Variants in TNNT1 observed in about 807,000 individuals in gnomAD.
TNNT1 encodes the protein troponin T1, slow skeletal type, also known as troponin T, slow skeletal muscle.
In TNNT1, 53 loss-of-function variants were observed where a neutral mutation model predicts 50.6. That is an observed-to-expected ratio of 1.05 (90% CI 0.84 to 1.32). The LOEUF is 1.32. Among genes scored for constraint, TNNT1 ranks in the 40% most tolerant of loss-of-function variants. The pLI, the probability that TNNT1 is intolerant of heterozygous loss-of-function variation, is 0.00. For missense variants in TNNT1, 348 were observed against 381.7 expected, an observed-to-expected ratio of 0.91 and a Z score of 0.74; for synonymous variants, 142 against 138.0, an observed-to-expected ratio of 1.03 and a Z score of -0.20.
In TNNT1 at chr19:55,147,309, T is replaced by C. The variant is rs112170730; in HGVS notation, c.-11-141A>G. ...GGGTGTGAGAGAGGAGGAGCTGGGGTCTGGACTCCTGGGTGTGAGAGAGGA... is the reference window on the plus strand; with the variant it reads ...GGGTGTGAGAGAGGAGGAGCTGGGGCCTGGACTCCTGGGTGTGAGAGAGGA... On this transcript the variant is annotated intron_variant, in intron 1 of 13. Coordinates refer to ENST00000588981, the MANE Select transcript of TNNT1 (RefSeq NM_003283.6). 393 of 694,832 alleles carry C rather than the reference T, an allele frequency of 5.7e-4. 2 individuals carry two copies. The highest frequency in any genetic ancestry group is 5.6e-3 in the African/African-American group (199 of 35,240). The allele number at this position is 694,832 out of a possible 1,614,324, so 43.0% of individuals were successfully genotyped here.
At chr19:55,146,581 G>T in intron 4 of TNNT1, 100 bp downstream of exon 4, 1 of 1,223,464 alleles carries the variant, frequency 8.2e-7, no homozygotes, top group Non-Finnish European at 1.1e-6. Flanking sequence ...AGGACCGGGA[G>T]CCGAGGCCGT....
At position 55,145,566 on chromosome 19, in the gene TNNT1, C is replaced by T. The variant is rs1029498227; in HGVS notation, c.107-1G>A. ...CACCTTGGTTTGGGGCGTTCCTCTT[C>T]TGTTGGTGGTGGGGGATAAAAAGAG... On this transcript the variant is annotated splice_acceptor_variant, in intron 5 of 13. Coordinates refer to ENST00000588981, the MANE Select transcript of TNNT1 (RefSeq NM_003283.6). LOFTEE classifies it high-confidence loss of function. 1 of 1,613,572 alleles carries T rather than the reference C, an allele frequency of 6.2e-7. No homozygotes were observed. Among genetic ancestry groups the T allele is most frequent in the Non-Finnish European group, 8.5e-7 (1 of 1,179,762 alleles).
intron 7 of TNNT1, among the ~76,000 whole-genome samples, chr19:55,141,600 C>T (rs964275096): frequency 6.6e-6 from 1 of 151,822 alleles, no homozygotes; most frequent in Non-Finnish European, 1.5e-5. Context: ...TTTCCTGCCT[C>T]AGCCTCCCGA....
In TNNT1 at chr19:55,146,421, C is replaced by A. The variant is rs1388691686; in HGVS notation, c.106+13G>T. ...CCGACATCGGTCTCGGGAAGCGAAG[C>A]AGCCGCGGTTACCTGGCTCTGCCAC... On this transcript the variant is annotated intron_variant, in intron 5 of 13. Coordinates refer to ENST00000588981, the MANE Select transcript of TNNT1 (RefSeq NM_003283.6). 1.5e-6 allele frequency: 2 copies of A among 1,368,354 alleles called. No homozygotes were observed. The highest frequency in any genetic ancestry group is 1.8e-5 in the South Asian group (1 of 57,072). 84.8% of individuals were successfully genotyped at this position (1,368,354 alleles called of 1,614,324 possible). A position where few individuals can be genotyped will look rare whatever the true frequency, so the allele number is the denominator to read the frequency against.
At chr19:55,138,214 C>G in intron 9 of TNNT1, 140 bp from the exon 10 acceptor site, 1 of 1,457,166 alleles carries the variant, frequency 6.9e-7, no homozygotes, top group South Asian at 1.2e-5. Flanking sequence ...AGCAGAAACG[C>G]AGGGGTACCC....
At chr19:55,138,960 G>C (rs976344676) in intron 9 of TNNT1, among the ~76,000 whole-genome samples, 1 of 152,184 alleles carries the variant, frequency 6.6e-6, no homozygotes, top group Non-Finnish European at 1.5e-5. Context: ...GTGGACATGA[G>C]GCTTTTTGTA....
At chr19:55,134,318 G>T in intron 11 of TNNT1, 114 bp from the exon 12 acceptor site, 2 of 1,093,084 alleles carry the variant, frequency 1.8e-6, no homozygotes, top group Non-Finnish European at 2.6e-6. Context: ...TCATATTTGA[G>T]GCCGAGAGTT....
chr19:55,147,711 GC>G (rs1324463866), intron 1 of TNNT1, among the ~76,000 whole-genome samples: 48 of 112,368 alleles, frequency 4.3e-4, no homozygotes, highest in South Asian at 6.0e-4. Context: ...GGGAGGAGGG[GC>G]CAGGGGCCTG....
chr19:55,134,230 T>C (rs2085302434), intron 11 of TNNT1, 26 bp from the exon 12 acceptor site: 1 of 1,553,268 alleles, frequency 6.4e-7, no homozygotes, highest in African/African-American at 1.4e-5. Context: ...GAGAGGAACT[T>C]GGGCCCAGAG....
In TNNT1 at chr19:55,146,458, C is replaced by A; in HGVS notation, c.82G>T (p.Glu28Ter). The A allele has an allele frequency of 7.9e-7, 1 of 1,268,784 alleles. No individual in the cohort carries two copies. Among genetic ancestry groups the A allele is most frequent in the Non-Finnish European group, 1.0e-6 (1 of 995,428 alleles). 78.6% of individuals were successfully genotyped at this position (1,268,784 alleles called of 1,614,324 possible). A position where few individuals can be genotyped will look rare whatever the true frequency, so the allele number is the denominator to read the frequency against. ...AAEEEEEAPE[E>*]PEPVAEPEEE... is the part of the protein sequence containing the mutation. ...CCTGGCTCTGCCACCGGCTCCGGCT[C>A]TTCGGGGGCTGGGGAGGGGAGGGAG... The change falls in exon 5 of 14, where the codon GAG becomes TAG. Residue 28 changes from glutamate (E) to a stop codon, truncating the protein, a stop_gained. Transcript: ENST00000588981. LOFTEE classifies it high-confidence loss of function.
Position 55,141,142 on chromosome 19 carries a change from C to T in TNNT1, c.309+44G>A, listed in dbSNP as rs766119458. ...CATCTCCCAAGATGCAAGGGATCCA[C>T]ATGGAGGGAGGAAGACCGGGGGGAA... On this transcript the variant is annotated intron_variant, in intron 8 of 13. Coordinates refer to ENST00000588981, the MANE Select transcript of TNNT1 (RefSeq NM_003283.6). 2.8e-5 allele frequency: 44 copies of T among 1,556,044 alleles called. No individual in the cohort carries two copies. In the African/African-American group the frequency reaches 3.4e-4, roughly 12 times the overall value.
intron 5 of TNNT1, 151 bp from the exon 6 acceptor site, chr19:55,145,716 G>A (rs1191175849): frequency 2.7e-6 from 2 of 753,314 alleles, no homozygotes; most frequent in African/African-American, 1.7e-5. Context: ...GAGGGGGGAT[G>A]GGGAGAAGAA....
At chr19:55,145,222 C>T (rs1243158089) in intron 6 of TNNT1, among the ~76,000 whole-genome samples, 2 of 151,744 alleles carry the variant, frequency 1.3e-5, no homozygotes, top group Non-Finnish European at 1.5e-5. Flanking sequence ...TTGCTTGAGC[C>T]CAAGATGTTG....
intron 2 of TNNT1, 30 bp downstream of exon 2, chr19:55,147,096 C>T (rs1342838231): frequency 6.2e-7 from 1 of 1,613,636 alleles, no homozygotes; most frequent in South Asian, 1.1e-5. Context: ...CACCACTGCA[C>T]GCCCCAACCC....
chr19:55,135,451 C>T, intron 11 of TNNT1: 1 of 292,242 alleles, frequency 3.4e-6, no homozygotes, highest in Admixed American at 4.8e-5. Flanking sequence ...GTCACCCAGG[C>T]TGGAGTGCAG....
At chr19:55,143,451 C>T (rs2085494309) in intron 6 of TNNT1, among the ~76,000 whole-genome samples, 1 of 152,050 alleles carries the variant, frequency 6.6e-6, no homozygotes, top group Non-Finnish European at 1.5e-5. Flanking sequence ...AGAGCGATTC[C>T]AAGATGAAGC....
chr19:55,143,557 G>A (rs980759484), intron 6 of TNNT1, among the ~76,000 whole-genome samples: 3 of 152,066 alleles, frequency 2.0e-5, no homozygotes, highest in Non-Finnish European at 4.4e-5. Context: ...CAGCAGGGCC[G>A]TCATCTCCAT....
At chr19:55,137,044 C>T in intron 11 of TNNT1, 59 bp downstream of exon 11, 2 of 1,128,004 alleles carry the variant, frequency 1.8e-6, no homozygotes, top group South Asian at 1.3e-5. Context: ...GGTGTGAGCT[C>T]CTTTATCCCC....
intron 6 of TNNT1, among the ~76,000 whole-genome samples, chr19:55,143,718 T>G (rs1380929827): frequency 6.6e-6 from 1 of 152,130 alleles, no homozygotes; most frequent in Non-Finnish European, 1.5e-5. Flanking sequence ...GAGCTGCCAG[T>G]GAGCTTTCCT....
Sources: allele counts gnomAD v4.1 joint callset (sites outside exome capture counted in the v4.1 genomes callset), GRCh38; gene constraint gnomAD v4.1.1; transcripts MANE v1.5; gene names NCBI Gene and HGNC (gene_info 2026-07-23, HGNC 2026-07-21).